The following OPCML variants were observed in gnomAD, a reference collection of about 807,000 sequenced individuals.
OPCML encodes the protein opioid-binding protein/cell adhesion molecule.
A neutral mutation model predicts 37.8 loss-of-function variants in OPCML; 13 were observed. That is an observed-to-expected ratio of 0.34 (90% CI 0.22 to 0.55). OPCML has a LOEUF of 0.55. OPCML is among the 20% of genes least tolerant of loss of function. The pLI is 0.91. For missense variants in OPCML, 341 were observed against 435.6 expected (o/e 0.78, Z 1.93); for synonymous variants, 176 against 168.8 (o/e 1.04, Z -0.33).
intron 2 of OPCML, among the ~76,000 whole-genome samples, chr11:132,685,304 T>C (rs1416466797): frequency 6.6e-6 from 1 of 152,230 alleles, no homozygotes; most frequent in Non-Finnish European, 1.5e-5. Context: ...ATGACATTTC[T>C]CCCTTGCTTC....
chr11:133,016,615 T>C (rs1490453330), intron 1 of OPCML, among the ~76,000 whole-genome samples: 2 of 152,224 alleles, frequency 1.3e-5, no homozygotes, highest in East Asian at 3.9e-4. Context: ...ATCAGAGTGA[T>C]AGCTCATTAT....
chr11:133,276,592 C>G lies in OPCML; in HGVS notation c.61+255672G>C, dbSNP rs1942001611. Among the ~76,000 whole-genome samples, 3 of 152,222 alleles carry G rather than the reference C, an allele frequency of 2.0e-5. No homozygotes were observed. In the South Asian group the frequency reaches 6.2e-4, roughly 32 times the overall value. ...AAAACAGATTCTGACCTTGGCAGCT[C>G]TGACATGCTGTACAAATAAAATGAA... On this transcript the variant is annotated intron_variant, in intron 1 of 7. Transcript: ENST00000524381.
At chr11:132,775,565 C>A (rs1291339892) in intron 2 of OPCML, among the ~76,000 whole-genome samples, 2 of 152,154 alleles carry the variant, frequency 1.3e-5, no homozygotes, top group Admixed American at 6.5e-5. Context: ...ATAACCTTAC[C>A]CCTCTCCAGA....
intron 3 of OPCML, among the ~76,000 whole-genome samples, chr11:132,559,992 C>T (rs1427376854): frequency 6.6e-6 from 1 of 152,210 alleles, no homozygotes; most frequent in African/African-American, 2.4e-5. Flanking sequence ...TAGCCTCACT[C>T]TGTGTGAGTA....
At chr11:132,874,531 C>A (rs1209749208) in intron 2 of OPCML, among the ~76,000 whole-genome samples, 1 of 151,722 alleles carries the variant, frequency 6.6e-6, no homozygotes, top group African/African-American at 2.4e-5. Context: ...TGCACCTCAA[C>A]CTCAAGCTAC....
intron 1 of OPCML, among the ~76,000 whole-genome samples, chr11:133,061,910 G>A (rs1431943019): frequency 1.3e-5 from 2 of 151,940 alleles, no homozygotes; most frequent in Non-Finnish European, 2.9e-5. Context: ...GGTGGGGGTG[G>A]GGGCTGAAAA....
chr11:133,203,057 C>T (rs1362251132), intron 1 of OPCML, among the ~76,000 whole-genome samples: 1 of 152,190 alleles, frequency 6.6e-6, no homozygotes, highest in Non-Finnish European at 1.5e-5. Context: ...GCTGTTATGT[C>T]ACCATCACAC....
intron 1 of OPCML, chr11:133,004,010 T>C: frequency 9.1e-6 from 9 of 985,240 alleles, no homozygotes; most frequent in Non-Finnish European, 8.4e-6. Context: ...GTGGCACACG[T>C]CTCTCACCGC....
intron 4 of OPCML, among the ~76,000 whole-genome samples, chr11:132,501,228 C>T (rs1040670030): frequency 4.6e-5 from 7 of 152,124 alleles, no homozygotes; most frequent in Non-Finnish European, 1.0e-4. Context: ...CAAAAATTAA[C>T]CCAAGATGGA....
chr11:133,464,255 C>A (rs1946925410), intron 1 of OPCML, among the ~76,000 whole-genome samples: 1 of 152,318 alleles, frequency 6.6e-6, no homozygotes, highest in South Asian at 2.1e-4. Context: ...AAGCCCTTGC[C>A]ATTTTGTAAT....
chr11:133,090,092 T>C (rs1486703384), intron 1 of OPCML, among the ~76,000 whole-genome samples: 4 of 152,126 alleles, frequency 2.6e-5, no homozygotes, highest in Admixed American at 1.3e-4. Flanking sequence ...GTTGGCTCGG[T>C]TTTAGCCAAG....
chr11:133,056,166 A>C (rs1358090770), intron 1 of OPCML, among the ~76,000 whole-genome samples: 1 of 152,256 alleles, frequency 6.6e-6, no homozygotes, highest in Non-Finnish European at 1.5e-5. Flanking sequence ...GGGGACAGAG[A>C]ATGATTTATA....
intron 1 of OPCML, among the ~76,000 whole-genome samples, chr11:132,983,040 C>T (rs1258754153): frequency 6.6e-6 from 1 of 152,194 alleles, no homozygotes; most frequent in African/African-American, 2.4e-5. Flanking sequence ...ATTATGATGG[C>T]TTTTTGAATG....
At chr11:132,584,619 T>A (rs1432704676) in intron 3 of OPCML, among the ~76,000 whole-genome samples, 2 of 152,214 alleles carry the variant, frequency 1.3e-5, no homozygotes, top group Non-Finnish European at 2.9e-5. Flanking sequence ...GATGACTGTG[T>A]GAAATGTGGT....
intron 1 of OPCML, among the ~76,000 whole-genome samples, chr11:133,309,909 G>A (rs1263885018): frequency 2.6e-5 from 4 of 152,190 alleles, no homozygotes; most frequent in African/African-American, 7.2e-5. Context: ...AGGGCAATGA[G>A]GACTTCATTC....
intron 4 of OPCML, among the ~76,000 whole-genome samples, chr11:132,451,124 T>C (rs368162839): frequency 5.2e-4 from 79 of 152,288 alleles, no homozygotes; most frequent in Middle Eastern, 6.8e-3. Flanking sequence ...GCAATTCATC[T>C]TGAGAAGAAA....
chr11:133,114,243 A>C (rs1244024767), intron 1 of OPCML, among the ~76,000 whole-genome samples: 3 of 151,956 alleles, frequency 2.0e-5, no homozygotes, highest in South Asian at 4.2e-4. Flanking sequence ...CCACAGCCAG[A>C]CTCCCAGCCT....
At chr11:133,126,216 C>G (rs1949513314) in intron 1 of OPCML, among the ~76,000 whole-genome samples, 1 of 151,982 alleles carries the variant, frequency 6.6e-6, no homozygotes, top group Non-Finnish European at 1.5e-5. Flanking sequence ...AGTCTGAAGG[C>G]CCAAGAATCA....
chr11:132,486,447 T>C (rs940075719), intron 4 of OPCML, among the ~76,000 whole-genome samples: 1 of 152,160 alleles, frequency 6.6e-6, no homozygotes, highest in African/African-American at 2.4e-5. Flanking sequence ...GAACAGTTTT[T>C]TTTAAACCAT....
Sources: gnomAD v4.1 joint callset for allele counts (sites outside exome capture counted in the v4.1 genomes callset) on GRCh38, gnomAD v4.1.1 for gene constraint, MANE v1.5 for transcripts, NCBI Gene and HGNC (gene_info 2026-07-23, HGNC 2026-07-21) for gene names.